The following CLTCL1 variants were observed in gnomAD, a reference collection of about 807,000 sequenced individuals.
The protein encoded by CLTCL1 is clathrin heavy chain like 1.
A neutral mutation model predicts 190.0 loss-of-function variants in CLTCL1; 159 were observed. That is an observed-to-expected ratio of 0.84 (90% confidence interval 0.74 to 0.95). CLTCL1 has a LOEUF of 0.95. CLTCL1 is among the 40% of genes least tolerant of loss of function. The pLI is 0.00. For missense variants in CLTCL1, 1,878 were observed against 2,033.4 expected, an observed-to-expected ratio of 0.92 and a Z score of 1.47; for synonymous variants, 752 against 769.6, an observed-to-expected ratio of 0.98 and a Z score of 0.38.
rs2084588398 is a variant in CLTCL1 at position 19,193,578 on chromosome 22, G to C, written c.4192-2143C>G. 2.0e-5 allele frequency among the ~76,000 whole-genome samples: 3 copies of C among 152,216 alleles called. No individual in the cohort carries two copies. In the South Asian group the frequency reaches 6.2e-4, roughly 32 times the overall value. ...TGGTAGTATCCCTGTTTTATACAAG[G>C]GAAAACTGAAGGCTGGGCGTGGTGG... is the stretch of plus-strand genomic sequence containing the variant. On this transcript the variant is annotated intron_variant, in intron 26 of 32. Coordinates refer to ENST00000427926, the MANE Select transcript of CLTCL1 (RefSeq NM_007098.4).
In CLTCL1 at chr22:19,191,339, G is replaced by A. The variant is rs2084496796; in HGVS notation, c.4288C>T (p.Leu1430=). The A allele has an allele frequency of 1.2e-6, 2 of 1,613,882 alleles. No homozygotes were observed. The highest frequency in any genetic ancestry group is 2.2e-5 in the South Asian group (2 of 91,088). The change falls in exon 27 of 33, where the codon CTG becomes TTG. Residue 1430 remains leucine (L), a synonymous_variant. Transcript: ENST00000427926. ...NDLLLVLSPR[L]DHTWTVSFFS... ...AAACTGACTGTCCAGGTGTGGTCCA[G>A]CCGGGGTGAAAGCACCAGCAGCAGG...
intron 18 of CLTCL1, among the ~76,000 whole-genome samples, chr22:19,217,949 T>C (rs548922773): frequency 5.7e-4 from 87 of 152,274 alleles, no homozygotes; most frequent in African/African-American, 2.0e-3. Context: ...TACCATCTGT[T>C]TGAGTCAATA....
intron 26 of CLTCL1, among the ~76,000 whole-genome samples, chr22:19,192,729 G>A (rs1432509946): frequency 6.6e-6 from 1 of 152,168 alleles, no homozygotes; most frequent in Non-Finnish European, 1.5e-5. Context: ...AGCACTCACT[G>A]TCACCAGAGA....
At chr22:19,288,177 T>A (rs142122492) in intron 1 of CLTCL1, among the ~76,000 whole-genome samples, 165 of 152,210 alleles carry the variant, frequency 1.1e-3, no homozygotes, top group Non-Finnish European at 2.0e-3. Context: ...CATCACAGAG[T>A]TTGTGTTCAA....
intron 22 of CLTCL1, among the ~76,000 whole-genome samples, chr22:19,202,520 G>A (rs2084928137): frequency 8.6e-6 from 1 of 116,736 alleles, no homozygotes; most frequent in Non-Finnish European, 1.7e-5. Context: ...CGCCATCACG[G>A]CACCTCCCCC....
At chr22:19,285,834 T>C (rs1198725076) in intron 1 of CLTCL1, among the ~76,000 whole-genome samples, 1 of 152,180 alleles carries the variant, frequency 6.6e-6, no homozygotes, top group Non-Finnish European at 1.5e-5. Context: ...TAGGGAATAC[T>C]GATAAACAAC....
At chr22:19,214,211 C>A (rs1255932396) in intron 19 of CLTCL1, among the ~76,000 whole-genome samples, 1 of 152,140 alleles carries the variant, frequency 6.6e-6, no homozygotes, top group African/African-American at 2.4e-5. Context: ...AACGCACATT[C>A]CCAGCAGGGG....
chr22:19,227,492 C>A (rs1485083835), intron 11 of CLTCL1, among the ~76,000 whole-genome samples: 1 of 146,422 alleles, frequency 6.8e-6, no homozygotes, highest in Admixed American at 7.0e-5. Flanking sequence ...CGCTCTGTTG[C>A]CAGGCTGCAA....
intron 16 of CLTCL1, 72 bp downstream of exon 16, chr22:19,221,879 A>T: frequency 6.5e-7 from 1 of 1,537,550 alleles, no homozygotes. Context: ...ACAGTCCTGG[A>T]GAATTAGACA....
At chr22:19,237,613 T>C (rs983111742) in intron 5 of CLTCL1, among the ~76,000 whole-genome samples, 3 of 152,238 alleles carry the variant, frequency 2.0e-5, no homozygotes, top group African/African-American at 7.2e-5. Flanking sequence ...TTCCTTATAG[T>C]GTTTCTTGTA....
intron 27 of CLTCL1, among the ~76,000 whole-genome samples, chr22:19,188,522 T>C (rs922313206): frequency 6.6e-5 from 10 of 152,188 alleles, no homozygotes; most frequent in African/African-American, 2.4e-4. Flanking sequence ...GTAATCTTTT[T>C]GCTGGGGAGG....
chr22:19,291,045 T>C (rs1300484211), intron 1 of CLTCL1, among the ~76,000 whole-genome samples: 2 of 152,100 alleles, frequency 1.3e-5, no homozygotes, highest in African/African-American at 4.8e-5. Flanking sequence ...CACAAACAAA[T>C]GGAGAACAAA....
intron 1 of CLTCL1, among the ~76,000 whole-genome samples, chr22:19,284,399 G>A (rs898831187): frequency 6.6e-6 from 1 of 152,178 alleles, no homozygotes; most frequent in African/African-American, 2.4e-5. Context: ...GGCTGCTCAC[G>A]CCTGTAATAC....
chr22:19,236,523 A>G lies in CLTCL1; in HGVS notation c.796-654T>C, dbSNP rs373452159. Among the ~76,000 whole-genome samples the G allele has an allele frequency of 2.6e-5, 4 of 152,230 alleles. No homozygotes were observed. The South Asian group carries it at 6.2e-4, about 24-fold the overall frequency. ...GGGGCTGGGGAGAAAAAACAGATGC[A>G]TTTGCCCAACCAGATTATTAAACAT... On this transcript the variant is annotated intron_variant, in intron 5 of 32. Coordinates refer to ENST00000427926, the MANE Select transcript of CLTCL1 (RefSeq NM_007098.4).
At chr22:19,277,781 C>T (rs1372865397) in intron 1 of CLTCL1, among the ~76,000 whole-genome samples, 1 of 152,112 alleles carries the variant, frequency 6.6e-6, no homozygotes, top group Non-Finnish European at 1.5e-5. Flanking sequence ...CCTAGTTATC[C>T]TACAATTTAA....
intron 20 of CLTCL1, 149 bp downstream of exon 20, chr22:19,210,177 G>T: frequency 1.5e-6 from 1 of 677,814 alleles, no homozygotes; most frequent in Non-Finnish European, 2.4e-6. Context: ...TGGGAAGATG[G>T]GTTGCTGGTG....
intron 2 of CLTCL1, among the ~76,000 whole-genome samples, chr22:19,267,505 A>G (rs1555978414): frequency 6.6e-6 from 1 of 152,254 alleles, no homozygotes; most frequent in Non-Finnish European, 1.5e-5. Context: ...AGAGTTTCAA[A>G]AACTATTTTG....
At chr22:19,225,176 A>T (rs1555955043) in intron 13 of CLTCL1, among the ~76,000 whole-genome samples, 1 of 152,150 alleles carries the variant, frequency 6.6e-6, no homozygotes. Flanking sequence ...TTCTTGCCAG[A>T]CTGTGCTGCG....
chr22:19,202,714 C>G (rs782382098), intron 22 of CLTCL1, among the ~76,000 whole-genome samples: 4 of 152,200 alleles, frequency 2.6e-5, no homozygotes, highest in Non-Finnish European at 1.5e-5. Context: ...CTTCCATCAC[C>G]CATGGCATCT....
Sources: allele counts gnomAD v4.1 joint callset (sites outside exome capture counted in the v4.1 genomes callset), GRCh38; gene constraint gnomAD v4.1.1; transcripts MANE v1.5; gene names NCBI Gene and HGNC (gene_info 2026-07-23, HGNC 2026-07-21).